RARB: variants seen among roughly 807,000 people sequenced by gnomAD.
RARB encodes the protein retinoic acid receptor beta.
A neutral mutation model predicts 51.9 loss-of-function variants in RARB; 17 were observed. The ratio of observed to expected loss-of-function variants is 0.33; its 90% CI spans 0.22 to 0.49. RARB has a LOEUF of 0.49. RARB is among the 20% of genes least tolerant of loss of function. The pLI, the probability that RARB is intolerant of heterozygous loss-of-function variation, is 0.99. For synonymous variants in RARB, 215 were observed against 195.4 expected (o/e 1.10, Z -0.84); for missense variants, 369 against 550.8 (o/e 0.67, Z 3.30).
At chr3:24,880,343 G>A (rs1287705489) in intron 2 of RARB, among the ~76,000 whole-genome samples, 1 of 151,954 alleles carries the variant, frequency 6.6e-6, no homozygotes, top group Non-Finnish European at 1.5e-5. Context: ...AAGGAGCAGA[G>A]GAAAACTGGG....
intron 4 of RARB, among the ~76,000 whole-genome samples, chr3:25,168,365 C>T (rs1018761938): frequency 7.9e-5 from 12 of 152,182 alleles, no homozygotes; most frequent in Admixed American, 2.6e-4. Context: ...GCTGGGATTA[C>T]AGGCAGGTGC....
At chr3:25,186,217 G>A (rs974493246) in intron 5 of RARB, among the ~76,000 whole-genome samples, 1 of 152,014 alleles carries the variant, frequency 6.6e-6, no homozygotes, top group Non-Finnish European at 1.5e-5. Context: ...TCATATTGGT[G>A]ATACAAATCA....
At chr3:24,917,010 ATAAC>A (rs1442595629) in intron 2 of RARB, among the ~76,000 whole-genome samples, 1 of 152,248 alleles carries the variant, frequency 6.6e-6, no homozygotes, top group Non-Finnish European at 1.5e-5. Flanking sequence ...TTGCACAGAT[ATAAC>A]TAATTTATGA....
intron 5 of RARB, among the ~76,000 whole-genome samples, chr3:25,233,184 C>T (rs1172358224): frequency 6.6e-6 from 1 of 151,884 alleles, no homozygotes; most frequent in African/African-American, 2.4e-5. Context: ...TGGTCTTGAG[C>T]TCCTAGCCTC....
At chr3:24,849,111 G>GT (rs1191668619) in intron 1 of RARB, among the ~76,000 whole-genome samples, 1 of 152,124 alleles carries the variant, frequency 6.6e-6, no homozygotes, top group Middle Eastern at 3.4e-3. Context: ...TATATATTAT[G>GT]TTTTTTCCTA....
At chr3:25,462,928 C>T (rs906280300) in intron 2 of RARB, among the ~76,000 whole-genome samples, 3 of 152,198 alleles carry the variant, frequency 2.0e-5, no homozygotes, top group African/African-American at 7.2e-5. Flanking sequence ...ACTACTTCTG[C>T]CACACTATTG....
chr3:25,582,820 A>G (rs959092481), intron 5 of RARB, among the ~76,000 whole-genome samples: 1 of 152,128 alleles, frequency 6.6e-6, no homozygotes, highest in Non-Finnish European at 1.5e-5. Flanking sequence ...AAGTTATTTA[A>G]CTTCTCTAAG....
chr3:25,059,698 C>G (rs1284613250), intron 2 of RARB, among the ~76,000 whole-genome samples: 1 of 151,494 alleles, frequency 6.6e-6, no homozygotes, highest in Non-Finnish European at 1.5e-5. Context: ...AGCAAATGAA[C>G]AAATTACAAG....
At chr3:24,976,088 AG>A (rs1696505727) in intron 2 of RARB, among the ~76,000 whole-genome samples, 1 of 152,170 alleles carries the variant, frequency 6.6e-6, no homozygotes, top group South Asian at 2.1e-4. Flanking sequence ...GTCCCTGCAA[AG>A]GACATGAACT....
chr3:25,086,175 G>A (rs78137160), intron 3 of RARB, among the ~76,000 whole-genome samples: 2,336 of 152,244 alleles, frequency 0.015, 51 homozygotes, highest in African/African-American at 0.049. Context: ...TCATATTCTG[G>A]TTATAGGAAT....
At chr3:25,062,972 C>T (rs189685324) in intron 3 of RARB, among the ~76,000 whole-genome samples, 4 of 151,936 alleles carry the variant, frequency 2.6e-5, no homozygotes, top group Admixed American at 6.6e-5. Context: ...AAACTAGGAA[C>T]GACAAAACTT....
intron 1 of RARB, among the ~76,000 whole-genome samples, chr3:25,440,513 C>G (rs953566279): frequency 6.6e-6 from 1 of 151,622 alleles, no homozygotes; most frequent in Non-Finnish European, 1.5e-5. Flanking sequence ...TGGCTCACAC[C>G]TGTAATCCCA....
rs1285074846 is a variant in RARB at position 24,853,037 on chromosome 3, G to A, written c.-458-5637G>A. On this transcript the variant is annotated intron_variant, in intron 1 of 11. Coordinates refer to the RARB transcript ENST00000383772. ...CTGCTTTTAAAATAACGAACTGGCT[G>A]GGCACGGTGGCTCACGCCTGTAATC... is the stretch of plus-strand genomic sequence containing the variant. Among the ~76,000 whole-genome samples the A allele has an allele frequency of 2.0e-5, 3 of 152,170 alleles. No homozygotes were observed. In the East Asian group the frequency reaches 5.8e-4, roughly 29 times the overall value.
chr3:25,501,162 ATCT>A lies in RARB; in HGVS notation c.307-15_307-13del. On this transcript the variant is annotated splice_polypyrimidine_tract_variant and intron_variant, in intron 2 of 7. Transcript: ENST00000330688. ...CTCATTTGCTTTACTGAGTTTTTTC[ATCT>A]TCTTGCTTGCTTGCAGGGCTTTTTC... 1 of 1,557,340 alleles carries A rather than the reference ATCT, an allele frequency of 6.4e-7. No individual in the cohort carries two copies.
intron 1 of RARB, among the ~76,000 whole-genome samples, chr3:25,444,784 GTGGTATTCAC>G (rs1708855024): frequency 6.6e-6 from 1 of 152,190 alleles, no homozygotes; most frequent in African/African-American, 2.4e-5. Flanking sequence ...TGATAGGCAG[GTGGTATTCAC>G]ATTTGGGCTC....
intron 5 of RARB, among the ~76,000 whole-genome samples, chr3:25,320,148 T>C (rs1266043571): frequency 6.6e-6 from 1 of 151,566 alleles, no homozygotes; most frequent in East Asian, 1.9e-4. Context: ...CTCTACAACA[T>C]CCCCATACCC....
chr3:24,924,343 G>C (rs766853256), intron 2 of RARB, among the ~76,000 whole-genome samples: 6 of 152,146 alleles, frequency 3.9e-5, no homozygotes, highest in Admixed American at 2.0e-4. Flanking sequence ...GAATGGGACA[G>C]TCAAATAGGA....
chr3:25,325,672 G>A (rs1027885732), intron 5 of RARB, among the ~76,000 whole-genome samples: 4 of 151,888 alleles, frequency 2.6e-5, no homozygotes, highest in Non-Finnish European at 5.9e-5. Flanking sequence ...TGAGTTGTGT[G>A]TATAAATGGA....
intron 2 of RARB, among the ~76,000 whole-genome samples, chr3:24,958,261 T>TTTGTTG (rs1696063118): frequency 8.6e-6 from 1 of 116,382 alleles, no homozygotes; most frequent in Admixed American, 8.5e-5. Flanking sequence ...TCAGGTTTTT[T>TTTGTTG]TTTTTTTTTT....
Sources: gnomAD v4.1 joint callset for allele counts (sites outside exome capture counted in the v4.1 genomes callset) on GRCh38, gnomAD v4.1.1 for gene constraint, MANE v1.5 for transcripts, NCBI Gene and HGNC (gene_info 2026-07-23, HGNC 2026-07-21) for gene names.